AQR: variants seen among roughly 807,000 people sequenced by gnomAD.
AQR encodes RNA helicase aquarius.
Under a neutral mutation model 180.5 loss-of-function variants are expected in AQR, and 61 were observed. The ratio of observed to expected loss-of-function variants is 0.34; its 90% CI spans 0.28 to 0.42. AQR has a LOEUF of 0.42. Among genes scored for constraint, AQR ranks in the 10% least tolerant of loss-of-function variants. The pLI is 1.00. For missense variants in AQR, 1,281 were observed against 1,798.3 expected (o/e 0.71, Z 5.20); for synonymous variants, 551 against 588.8 (o/e 0.94, Z 0.93).
At chr15:34,954,535 G>A (rs1051582966) in intron 3 of AQR, among the ~76,000 whole-genome samples, 5 of 151,892 alleles carry the variant, frequency 3.3e-5, no homozygotes, top group Non-Finnish European at 5.9e-5. Flanking sequence ...TCAAACTCCT[G>A]GGCTCAAGTA....
intron 27 of AQR, among the ~76,000 whole-genome samples, chr15:34,879,539 C>T (rs1892938743): frequency 6.6e-6 from 1 of 152,148 alleles, no homozygotes; most frequent in Non-Finnish European, 1.5e-5. Flanking sequence ...AAATTACTGC[C>T]TTAAAGCCAG....
chr15:34,862,382 C>A (rs566237369), intron 33 of AQR, among the ~76,000 whole-genome samples: 158 of 152,136 alleles, frequency 1.0e-3, no homozygotes, highest in African/African-American at 3.7e-3. Context: ...AGATGCATGG[C>A]CAAACTACTT....
At chr15:34,921,020 T>C (rs1315283232) in intron 13 of AQR, among the ~76,000 whole-genome samples, 1 of 152,076 alleles carries the variant, frequency 6.6e-6, no homozygotes, top group Admixed American at 6.6e-5. Context: ...TTTAAGAATG[T>C]CCTTGATGAA....
At chr15:34,920,066 G>T (rs754418624) in intron 14 of AQR, among the ~76,000 whole-genome samples, 3 of 152,132 alleles carry the variant, frequency 2.0e-5, no homozygotes, top group Non-Finnish European at 4.4e-5. Flanking sequence ...GGAACTGAAA[G>T]AGACAATGAA....
intron 15 of AQR, among the ~76,000 whole-genome samples, chr15:34,917,336 T>G (rs1893610270): frequency 6.6e-6 from 1 of 152,214 alleles, no homozygotes; most frequent in African/African-American, 2.4e-5. Flanking sequence ...ATGATGCCAT[T>G]GTTCAAAAAA....
At chr15:34,952,713 T>C (rs746341516) in intron 4 of AQR, among the ~76,000 whole-genome samples, 172 bp downstream of exon 4, 1 of 152,254 alleles carries the variant, frequency 6.6e-6, no homozygotes, top group Non-Finnish European at 1.5e-5. Context: ...CAATGGGCCA[T>C]CATCTTTGAA....
intron 19 of AQR, among the ~76,000 whole-genome samples, chr15:34,903,069 A>T (rs907463942): frequency 1.3e-5 from 2 of 152,154 alleles, no homozygotes; most frequent in Non-Finnish European, 2.9e-5. Context: ...TTCTCTTAGG[A>T]GGTGACATTG....
chr15:34,956,434 T>C (rs1894317557), intron 3 of AQR, among the ~76,000 whole-genome samples: 2 of 152,076 alleles, frequency 1.3e-5, no homozygotes, highest in South Asian at 4.1e-4. Flanking sequence ...GCGGATCACC[T>C]GAGGTCAGGA....
rs148961668 is a variant in AQR, at chr15:34,905,469, G to A, written c.1832-964C>T. ...TTTGTAAAGCAGTGTTTTTAAATGC[G>A]GTAAAGTTGGCATCTTATGCAGGAT... is the stretch of plus-strand genomic sequence containing the variant. On this transcript the variant is annotated intron_variant, in intron 18 of 34. Transcript: ENST00000156471. Among the ~76,000 whole-genome samples, 158 of 152,030 alleles carry A rather than the reference G, an allele frequency of 1.0e-3. 4 individuals are homozygous for A. The highest frequency in any genetic ancestry group is 3.5e-3 in the African/African-American group (145 of 41,368).
At chr15:34,875,591 T>A (rs113255742) in intron 28 of AQR, among the ~76,000 whole-genome samples, 1 of 133,690 alleles carries the variant, frequency 7.5e-6, no homozygotes, top group African/African-American at 2.7e-5. Flanking sequence ...ATGAAAAAAA[T>A]AATTCTACAA....
chr15:34,969,692 GT>G lies in AQR; in HGVS notation c.-80del. 2.1e-6 allele frequency: 3 copies of G among 1,443,420 alleles called. No homozygotes were observed. The highest frequency in any genetic ancestry group is 2.8e-6 in the Non-Finnish European group (3 of 1,067,816). 89.4% of individuals were successfully genotyped at this position (1,443,420 alleles called of 1,614,324 possible). Reference sequence around the variant, plus strand: ...GGCAACCCTGGTCCACTTCCCTTAAGTTACTGCCGGGGCGCTTAACTCCGCG... The same window carrying G: ...GGCAACCCTGGTCCACTTCCCTTAAGTACTGCCGGGGCGCTTAACTCCGCG... On this transcript the variant is annotated 5_prime_UTR_variant, in exon 1 of 35. Transcript: ENST00000156471.
At chr15:34,946,824 C>T (rs1302764147) in intron 5 of AQR, among the ~76,000 whole-genome samples, 6 of 150,584 alleles carry the variant, frequency 4.0e-5, no homozygotes, top group Non-Finnish European at 3.0e-5. Context: ...TCTGCCCGGC[C>T]GCCCCTACTG....
Position 34,927,147 on chromosome 15 carries a change from T to C in AQR, c.1015-9A>G. On this transcript the variant is annotated splice_polypyrimidine_tract_variant and intron_variant, in intron 12 of 34. Coordinates refer to ENST00000156471, the MANE Select transcript of AQR (RefSeq NM_014691.3). Reference sequence around the variant, plus strand: ...TGTGCAAAAGCAGCTCTCTAGAAAATAATGGCAAAAAATATTAATAATTAA... The same window carrying C: ...TGTGCAAAAGCAGCTCTCTAGAAAACAATGGCAAAAAATATTAATAATTAA... 1.3e-6 allele frequency: 2 copies of C among 1,516,046 alleles called. No individual in the cohort carries two copies. The highest frequency in any genetic ancestry group is 1.8e-6 in the Non-Finnish European group (2 of 1,118,606). The allele number at this position is 1,516,046 out of a possible 1,614,324, so 93.9% of individuals were successfully genotyped here.
intron 16 of AQR, among the ~76,000 whole-genome samples, chr15:34,913,564 T>C (rs1303859940): frequency 6.6e-6 from 1 of 152,192 alleles, no homozygotes; most frequent in African/African-American, 2.4e-5. Context: ...AGCCAGAAAA[T>C]GGTATAATTA....
rs1295766253 is a variant in AQR, at chr15:34,932,427, A to G, written c.791T>C (p.Leu264Pro). 6.3e-7 allele frequency: 1 copy of G among 1,589,640 alleles called. No homozygotes were observed. The highest frequency in any genetic ancestry group is 1.9e-5 in the Admixed American group (1 of 52,790). ...IELMIDLEALLPTRRWFNTIL... is the reference protein window; with the variant it reads ...IELMIDLEALPPTRRWFNTIL... ...GGTATTAAACCAGCGCCTTGTGGGT[A>G]GCAGGGCCTGGGAAAAACAAACATC... Residue 264 changes from leucine to proline, a missense_variant, in exon 11 of 35, where the codon CTA becomes CCA. Leu to Pro is a moderately conservative substitution (Grantham distance 98). This residue lies in a region of AQR where 404 missense variants were observed against 490.9 expected (regional missense o/e 0.82). Transcript: ENST00000156471.
intron 24 of AQR, among the ~76,000 whole-genome samples, chr15:34,887,756 G>A (rs1893084290): frequency 6.6e-6 from 1 of 152,220 alleles, no homozygotes; most frequent in South Asian, 2.1e-4. Flanking sequence ...CTAGCTGTCT[G>A]TAGTTCAGAG....
chr15:34,961,247 A>T (rs1442019048), intron 2 of AQR, among the ~76,000 whole-genome samples: 1 of 152,142 alleles, frequency 6.6e-6, no homozygotes, highest in African/African-American at 2.4e-5. Flanking sequence ...TCTTTATCCA[A>T]ATGAATATGA....
chr15:34,885,960 T>TA (rs1300207936), intron 25 of AQR, among the ~76,000 whole-genome samples: 1 of 152,210 alleles, frequency 6.6e-6, no homozygotes. Context: ...AACTGACTAT[T>TA]AAAGTTTAGT....
intron 28 of AQR, among the ~76,000 whole-genome samples, 198 bp downstream of exon 28, chr15:34,875,737 C>T (rs562856835): frequency 2.0e-5 from 3 of 152,160 alleles, no homozygotes; most frequent in South Asian, 2.1e-4. Flanking sequence ...TAGTACTTCT[C>T]GAAGCAAAAC....
Sources: gnomAD v4.1 joint callset for allele counts (sites outside exome capture counted in the v4.1 genomes callset) on GRCh38, gnomAD v4.1.1 for gene constraint, gnomAD v4.1.1 regional missense constraint, MANE v1.5 for transcripts, NCBI Gene and HGNC (gene_info 2026-07-23, HGNC 2026-07-21) for gene names.